Variants in MPPED1 observed in about 807,000 individuals in gnomAD.
The protein encoded by MPPED1 is metallophosphoesterase domain containing 1.
In MPPED1, 16 loss-of-function variants were observed where a neutral mutation model predicts 36.2. That is an observed-to-expected ratio of 0.44 (90% CI 0.30 to 0.67). The LOEUF (loss-of-function observed/expected upper bound fraction) is 0.67. Ranked by LOEUF, MPPED1 falls within the 30% of genes least tolerant of loss-of-function variation. The probability of loss-of-function intolerance (pLI) is 0.10; values close to 1 mark genes in which losing one functional copy is unlikely to be tolerated. For synonymous variants in MPPED1, 199 were observed against 191.3 expected (o/e 1.04, Z -0.33); for missense variants, 307 against 453.4 (o/e 0.68, Z 2.93).
chr22:43,484,887 C>A (rs1224660505), intron 4 of MPPED1, among the ~76,000 whole-genome samples: 1 of 152,186 alleles, frequency 6.6e-6, no homozygotes, highest in East Asian at 1.9e-4. Flanking sequence ...CAGCCACCCA[C>A]CTCCGTCTCC....
Position 43,502,548 on chromosome 22 carries a change from T to G in MPPED1, c.749-96T>G, listed in dbSNP as rs1334512064. On this transcript the variant is annotated intron_variant, in intron 5 of 6. Transcript: ENST00000443721. The surrounding 1 kb of genome is among the most constrained non-coding windows in gnomAD (Gnocchi z 5.5). ...GCAAAGCCGGAGTCCGGAAGCCCCA[T>G]GCCTTCTCCAGGCTGCAGAAGCTGC... The G allele has an allele frequency of 4.2e-6, 4 of 942,302 alleles. No individual in the cohort carries two copies. The African/African-American group carries it at 4.9e-5, about 11-fold the overall frequency. 58.4% of individuals were successfully genotyped at this position (942,302 alleles called of 1,614,324 possible).
At chr22:43,465,021 C>G (rs899058747) in intron 3 of MPPED1, among the ~76,000 whole-genome samples, 1 of 152,246 alleles carries the variant, frequency 6.6e-6, no homozygotes, top group Non-Finnish European at 1.5e-5. Flanking sequence ...GTACCACATA[C>G]ACACCTGCCT....
intron 3 of MPPED1, among the ~76,000 whole-genome samples, chr22:43,463,823 C>CTTTCTT (rs1931050108): frequency 2.6e-5 from 2 of 77,864 alleles, no homozygotes; most frequent in African/African-American, 8.8e-5. Context: ...TTCTTTCTTT[C>CTTTCTT]TTTCTTTCTT....
At chr22:43,451,343 G>C (rs554391825) in intron 3 of MPPED1, among the ~76,000 whole-genome samples, 54 of 152,334 alleles carry the variant, frequency 3.5e-4, no homozygotes, top group Admixed American at 1.5e-3. Flanking sequence ...ATCATCCAAA[G>C]AGGACTTCCG....
chr22:43,474,708 G>A lies in MPPED1; in HGVS notation c.407-28G>A, dbSNP rs762294406. On this transcript the variant is annotated intron_variant, in intron 3 of 6. Transcript: ENST00000443721. This position sits in a 1 kb window ranked among gnomAD's most constrained non-coding sequence, Gnocchi z 5.2. ...CTGGACAAGCTGACGGCTGTGTGCT[G>A]TGTGTCTGTCTGTGTCCACCCCTGC... 6.2e-7 allele frequency: 1 copy of A among 1,610,516 alleles called. No individual in the cohort carries two copies. The highest frequency in any genetic ancestry group is 8.5e-7 in the Non-Finnish European group (1 of 1,177,012).
chr22:43,422,125 C>T (rs1412507537), intron 1 of MPPED1, among the ~76,000 whole-genome samples: 4 of 152,152 alleles, frequency 2.6e-5, no homozygotes, highest in Admixed American at 6.5e-5. Flanking sequence ...GAGGAGACCC[C>T]GGCATTGCTG....
chr22:43,485,053 A>T (rs1285748362), intron 4 of MPPED1, among the ~76,000 whole-genome samples: 1 of 152,096 alleles, frequency 6.6e-6, no homozygotes, highest in East Asian at 1.9e-4. Flanking sequence ...ACATACACAC[A>T]CATTCATGTA....
At chr22:43,499,623 G>A (rs1932568219) in intron 5 of MPPED1, among the ~76,000 whole-genome samples, 2 of 40,044 alleles carry the variant, frequency 5.0e-5, no homozygotes, top group African/African-American at 1.3e-4. Context: ...GATGGTGGTG[G>A]TGATGATGGT....
chr22:43,439,138 G>A (rs1360278684), intron 3 of MPPED1, among the ~76,000 whole-genome samples: 1 of 152,204 alleles, frequency 6.6e-6, no homozygotes, highest in Non-Finnish European at 1.5e-5. Flanking sequence ...TGTGAGGTGC[G>A]TTGCTGTCAG....
At chr22:43,431,073 A>C (rs1929668660) in intron 2 of MPPED1, among the ~76,000 whole-genome samples, 1 of 103,842 alleles carries the variant, frequency 9.6e-6, no homozygotes, top group Non-Finnish European at 1.8e-5. Context: ...ACAGAGTCTC[A>C]CTCTGTCGCC....
chr22:43,417,634 T>C (rs142452445), intron 1 of MPPED1: 5 of 157,756 alleles, frequency 3.2e-5, no homozygotes, highest in Non-Finnish European at 7.0e-5. Flanking sequence ...TGTTAAATAT[T>C]ATCTCCTGCA....
At chr22:43,499,103 G>A (rs2146920170) in intron 5 of MPPED1, among the ~76,000 whole-genome samples, 1 of 151,914 alleles carries the variant, frequency 6.6e-6, no homozygotes, top group East Asian at 1.9e-4. Flanking sequence ...GGTGGTGGAG[G>A]TGGTGATGGT....
At chr22:43,463,686 A>T (rs6003212) in intron 3 of MPPED1, among the ~76,000 whole-genome samples, 2 of 151,884 alleles carry the variant, frequency 1.3e-5, no homozygotes, top group Non-Finnish European at 2.9e-5. Flanking sequence ...CTCACCAAGG[A>T]TGTCAATGAT....
chr22:43,419,034 G>T (rs1488629969), intron 1 of MPPED1: 1 of 152,188 alleles, frequency 6.6e-6, no homozygotes, highest in Non-Finnish European at 1.5e-5. Context: ...CCTCCTGTGT[G>T]CTAGGCCCTG....
intron 6 of MPPED1, among the ~76,000 whole-genome samples, chr22:43,504,763 GTGA>G (rs1401280608): frequency 1.3e-5 from 2 of 151,702 alleles, no homozygotes; most frequent in Non-Finnish European, 2.9e-5. Flanking sequence ...GATTGTGGTA[GTGA>G]TGATGATGGC....
At chr22:43,476,405 G>A (rs1394962523) in intron 4 of MPPED1, among the ~76,000 whole-genome samples, 1 of 152,104 alleles carries the variant, frequency 6.6e-6, no homozygotes, top group East Asian at 1.9e-4. Flanking sequence ...GAGGAGTAAC[G>A]TGGCCTGAGG....
intron 3 of MPPED1, among the ~76,000 whole-genome samples, chr22:43,439,064 A>G (rs1930060066): frequency 6.6e-6 from 1 of 152,258 alleles, no homozygotes. Flanking sequence ...GACCTACCGT[A>G]TAAGACAAGA....
intron 1 of MPPED1, among the ~76,000 whole-genome samples, chr22:43,422,649 G>A (rs567713449): frequency 2.7e-4 from 41 of 152,166 alleles, no homozygotes; most frequent in African/African-American, 9.4e-4. Flanking sequence ...TCGTACCAAG[G>A]GTGTCCAGTA....
intron 3 of MPPED1, among the ~76,000 whole-genome samples, chr22:43,466,749 C>T (rs1931186705): frequency 1.3e-5 from 2 of 152,176 alleles, no homozygotes; most frequent in Non-Finnish European, 2.9e-5. Context: ...CCCTCATGTC[C>T]TAGAACCTGC....
Sources: allele counts gnomAD v4.1 joint callset (sites outside exome capture counted in the v4.1 genomes callset), GRCh38; gene constraint gnomAD v4.1.1; non-coding constraint Gnocchi (gnomAD v3.1); transcripts MANE v1.5; gene names NCBI Gene and HGNC (gene_info 2026-07-23, HGNC 2026-07-21).